Variants in NCAM1 observed in about 807,000 individuals in gnomAD.
NCAM1 encodes neural cell adhesion molecule 1.
In NCAM1, 14 loss-of-function variants were observed where a neutral mutation model predicts 109.8. The ratio of observed to expected loss-of-function variants is 0.13; its 90% CI spans 0.08 to 0.20. NCAM1 has a LOEUF of 0.20. Among genes scored for constraint, NCAM1 ranks in the 10% least tolerant of loss-of-function variants. The pLI, the probability that NCAM1 is intolerant of heterozygous loss-of-function variation, is 1.00. For missense variants in NCAM1, 774 were observed against 1,109.9 expected (o/e 0.70, Z 4.30); for synonymous variants, 418 against 442.9 (o/e 0.94, Z 0.70).
Position 113,244,654 on chromosome 11 carries a change from C to CGTGT in NCAM1, c.1826-1684_1826-1681dup, listed in dbSNP as rs55798470. Among the ~76,000 whole-genome samples the CGTGT allele has an allele frequency of 3.6e-3, 538 of 149,866 alleles. 3 individuals carry two copies. The highest frequency in any genetic ancestry group is 4.8e-3 in the Admixed American group (72 of 15,000). On this transcript the variant is annotated intron_variant, in intron 14 of 19. Transcript: ENST00000316851. ...TCCCAGTTTTGCTTCTGTGTGTGTGCGTGTGTGTGTGTGTGTGTGTGTGTG... is the reference window on the plus strand; with the variant it reads ...TCCCAGTTTTGCTTCTGTGTGTGTGCGTGTGTGTGTGTGTGTGTGTGTGTGTGTG...
At chr11:112,979,718 G>T (rs1357264119) in intron 1 of NCAM1, among the ~76,000 whole-genome samples, 1 of 151,726 alleles carries the variant, frequency 6.6e-6, no homozygotes, top group African/African-American at 2.4e-5. Flanking sequence ...TTTTGGTTTG[G>T]TCTGGTCTCT....
intron 1 of NCAM1, among the ~76,000 whole-genome samples, chr11:112,999,316 C>T (rs919129698): frequency 5.9e-5 from 9 of 152,050 alleles, no homozygotes; most frequent in Non-Finnish European, 1.2e-4. Context: ...GTCAATGGCT[C>T]ATCTTGGTAA....
rs1387970650 is a variant in NCAM1 at position 113,233,740 on chromosome 11, A to T, written c.1693+423A>T. Among the ~76,000 whole-genome samples, 1 of 152,154 alleles carries T rather than the reference A, an allele frequency of 6.6e-6. No homozygotes were observed. The highest frequency in any genetic ancestry group is 2.4e-5 in the African/African-American group (1 of 41,426). The stretch of plus-strand genomic sequence containing the variant: ...GTACTCAGGGACTGGCTGTCTTGTA[A>T]TTGTGATAGTAACCAAATAAGCACA... On this transcript the variant is annotated intron_variant, in intron 13 of 19. Coordinates refer to ENST00000316851, the MANE Select transcript of NCAM1 (RefSeq NM_181351.5). The surrounding 1 kb of genome is among the most constrained non-coding windows in gnomAD (Gnocchi z 4.5).
intron 1 of NCAM1, among the ~76,000 whole-genome samples, chr11:113,023,177 G>A (rs543567161): frequency 6.6e-6 from 1 of 152,308 alleles, no homozygotes; most frequent in East Asian, 1.9e-4. Context: ...TTAAAAGATG[G>A]CATCATAAGT....
intron 1 of NCAM1, among the ~76,000 whole-genome samples, chr11:113,199,940 A>G (rs1374631939): frequency 1.3e-5 from 2 of 151,492 alleles, no homozygotes; most frequent in African/African-American, 4.9e-5. Flanking sequence ...TGGCCCAGAG[A>G]TAGATCCTGG....
chr11:113,252,262 C>T (rs1358108110), intron 15 of NCAM1, among the ~76,000 whole-genome samples: 3 of 152,060 alleles, frequency 2.0e-5, no homozygotes, highest in African/African-American at 7.2e-5. Flanking sequence ...AAAAATTAGC[C>T]GAGTGTGGTG....
chr11:113,116,952 G>A (rs548177966), intron 1 of NCAM1, among the ~76,000 whole-genome samples: 113 of 151,966 alleles, frequency 7.4e-4, no homozygotes, highest in Middle Eastern at 3.4e-3. Context: ...ATGTTCTGTA[G>A]TTGGTGAGCT....
At chr11:113,239,382 C>A (rs972459632) in intron 14 of NCAM1, among the ~76,000 whole-genome samples, 3 of 152,120 alleles carry the variant, frequency 2.0e-5, no homozygotes, top group Non-Finnish European at 4.4e-5. Flanking sequence ...CCCTCCATGA[C>A]TGAGCTACCC....
At chr11:113,168,343 G>A (rs914233603) in intron 1 of NCAM1, among the ~76,000 whole-genome samples, 3 of 152,142 alleles carry the variant, frequency 2.0e-5, no homozygotes, top group Non-Finnish European at 2.9e-5. Flanking sequence ...TGTGAACACG[G>A]CTTTGGAATT....
At chr11:113,206,706 T>G (rs1944249157) in intron 5 of NCAM1, among the ~76,000 whole-genome samples, 1 of 152,226 alleles carries the variant, frequency 6.6e-6, no homozygotes, top group Non-Finnish European at 1.5e-5. Context: ...TGAATTGTTT[T>G]GACTATTGAC....
chr11:113,166,392 G>A (rs998110708), intron 1 of NCAM1, among the ~76,000 whole-genome samples: 5 of 152,140 alleles, frequency 3.3e-5, no homozygotes, highest in Non-Finnish European at 7.4e-5. Context: ...CTGTCTCCAC[G>A]TCAGTGAGCC....
chr11:113,066,500 A>G (rs1555084261), intron 1 of NCAM1, among the ~76,000 whole-genome samples: 1 of 152,224 alleles, frequency 6.6e-6, no homozygotes, highest in Non-Finnish European at 1.5e-5. Context: ...GATCAAAACC[A>G]GGCTTCAGGC....
chr11:113,245,346 G>C (rs1945471174), intron 14 of NCAM1, among the ~76,000 whole-genome samples: 1 of 152,208 alleles, frequency 6.6e-6, no homozygotes, highest in African/African-American at 2.4e-5. Flanking sequence ...GGAGGCTGAG[G>C]CAGAAAGATT....
At chr11:113,104,500 C>A (rs1555092180) in intron 1 of NCAM1, among the ~76,000 whole-genome samples, 1 of 151,934 alleles carries the variant, frequency 6.6e-6, no homozygotes, top group Non-Finnish European at 1.5e-5. Context: ...CTTAAAAAAA[C>A]ACGCAGATCC....
intron 1 of NCAM1, among the ~76,000 whole-genome samples, chr11:113,038,061 C>T (rs1286143434): frequency 1.3e-5 from 2 of 152,242 alleles, no homozygotes; most frequent in Middle Eastern, 3.2e-3. Context: ...TCCCGGGCTC[C>T]TGCCTCTGTG....
At chr11:113,210,525 G>C (rs1944356305) in intron 7 of NCAM1, among the ~76,000 whole-genome samples, 1 of 152,058 alleles carries the variant, frequency 6.6e-6, no homozygotes, top group Non-Finnish European at 1.5e-5. Context: ...TGCATCACCA[G>C]GTAGCTCATG....
intron 1 of NCAM1, among the ~76,000 whole-genome samples, chr11:113,041,510 G>T (rs1394164815): frequency 6.6e-6 from 1 of 152,120 alleles, no homozygotes; most frequent in Non-Finnish European, 1.5e-5. Context: ...ACTATATAAT[G>T]AATTGACCAT....
rs569666347 is a variant in NCAM1 at position 113,225,298 on chromosome 11, C to T, written c.1089+3973C>T. On this transcript the variant is annotated intron_variant, in intron 9 of 19. Coordinates refer to ENST00000316851, the MANE Select transcript of NCAM1 (RefSeq NM_181351.5). ...CTACATGATGAATGCACAAGCCTCA[C>T]TAACCAATTCGATCAACTGGAAGAA... Among the ~76,000 whole-genome samples, 10 of 152,270 alleles carry T rather than the reference C, an allele frequency of 6.6e-5. No homozygotes were observed. In the South Asian group the frequency reaches 2.1e-3, roughly 32 times the overall value.
intron 1 of NCAM1, among the ~76,000 whole-genome samples, chr11:113,004,084 C>T (rs534866612): frequency 2.6e-5 from 4 of 152,294 alleles, no homozygotes; most frequent in South Asian, 2.1e-4. Flanking sequence ...CAATTAGATG[C>T]GTTTTAATAT....
Sources: allele counts gnomAD v4.1 joint callset (sites outside exome capture counted in the v4.1 genomes callset), GRCh38; gene constraint gnomAD v4.1.1; non-coding constraint Gnocchi (gnomAD v3.1); transcripts MANE v1.5; gene names NCBI Gene and HGNC (gene_info 2026-07-23, HGNC 2026-07-21).